The following BCO1 variants were observed in gnomAD, a reference collection of about 807,000 sequenced individuals.
The protein encoded by BCO1 is beta,beta-carotene 15,15'-dioxygenase.
A neutral mutation model predicts 56.3 loss-of-function variants in BCO1; 54 were observed. The observed-to-expected ratio is 0.96, with a 90% CI of 0.77 to 1.20. The LOEUF is 1.20. Among genes scored for constraint, BCO1 ranks in the 50% most tolerant of loss-of-function variants. BCO1 has a pLI of 0.00. For missense variants in BCO1, 801 were observed against 690.9 expected (o/e 1.16, Z -1.79); for synonymous variants, 318 against 266.1 (o/e 1.20, Z -1.90).
At chr16:81,285,773 A>G in intron 9 of BCO1, 139 bp downstream of exon 9, 2 of 726,106 alleles carry the variant, frequency 2.8e-6, no homozygotes, top group Non-Finnish European at 4.9e-6. Context: ...AATTTGAAGT[A>G]AGGATGTTCA....
At chr16:81,250,578 C>CTT (rs530676028) in intron 2 of BCO1, among the ~76,000 whole-genome samples, 1,246 of 105,478 alleles carry the variant, frequency 0.012, 63 homozygotes, top group African/African-American at 0.024. Context: ...CTCAATAAAG[C>CTT]TTTTTTTTTT....
chr16:81,256,984 C>T (rs1308839212), intron 2 of BCO1, among the ~76,000 whole-genome samples: 1 of 152,178 alleles, frequency 6.6e-6, no homozygotes, highest in African/African-American at 2.4e-5. Flanking sequence ...AAATCCCTCT[C>T]TAATGTTCCA....
At chr16:81,251,890 G>A (rs905185915) in intron 2 of BCO1, among the ~76,000 whole-genome samples, 33 of 150,292 alleles carry the variant, frequency 2.2e-4, no homozygotes, top group African/African-American at 5.2e-4. Context: ...GTGTGTGTGT[G>A]TATATATATC....
intron 1 of BCO1, among the ~76,000 whole-genome samples, chr16:81,239,577 G>T (rs557677486): frequency 6.6e-6 from 1 of 152,284 alleles, no homozygotes; most frequent in Non-Finnish European, 1.5e-5. Context: ...TGTCTCAGAT[G>T]CATGATGTAT....
chr16:81,290,558 A>G lies in BCO1; in HGVS notation c.1625A>G (p.His542Arg). 1 of 1,613,640 alleles carries G rather than the reference A, an allele frequency of 6.2e-7. No individual in the cohort carries two copies. The highest frequency in any genetic ancestry group is 8.5e-7 in the Non-Finnish European group (1 of 1,179,990). Residue 542 changes from histidine to arginine, a missense_variant, in exon 11 of 11, where the codon CAC (histidine) becomes CGC (arginine). Coordinates refer to ENST00000258168, the MANE Select transcript of BCO1 (RefSeq NM_017429.3). ...EEQRDRASDC[H>R]GAPLT ...CAGCGGGACAGGGCTTCCGACTGCC[A>G]CGGGGCTCCTCTGACCTGATGGTGT...
chr16:81,267,744 G>C (rs1405376158), intron 5 of BCO1, among the ~76,000 whole-genome samples, 164 bp from the exon 6 acceptor site: 2 of 152,136 alleles, frequency 1.3e-5, no homozygotes, highest in African/African-American at 4.8e-5. Context: ...TCTCAGCCTG[G>C]CCCCCTGCAG....
chr16:81,270,165 A>G lies in BCO1; in HGVS notation c.850A>G (p.Ile284Val), dbSNP rs371894990. The change falls in exon 7 of 11, where the codon ATC becomes GTC. Residue 284 changes from isoleucine (I) to valine (V), a missense_variant. By Grantham distance (29) the Ile-to-Val change is conservative. Coordinates refer to ENST00000258168, the MANE Select transcript of BCO1 (RefSeq NM_017429.3). ...GATATGTGTCCTTTTTCAGACTTAT[A>G]TCCACATCATCGACCAAAGGACCAG... ...LAFHREEKTY[I>V]HIIDQRTRQP... is the part of the protein sequence containing the mutation. 9.3e-6 allele frequency: 15 copies of G among 1,614,028 alleles called. No homozygotes were observed. The African/African-American group carries it at 1.9e-4, about 20-fold the overall frequency.
chr16:81,273,767 G>T (rs1179983089), intron 7 of BCO1, among the ~76,000 whole-genome samples: 1 of 152,088 alleles, frequency 6.6e-6, no homozygotes, highest in South Asian at 2.1e-4. Flanking sequence ...TAAAATAGTG[G>T]AAATAAAGCA....
At chr16:81,242,310 C>T (rs977550571) in intron 1 of BCO1, among the ~76,000 whole-genome samples, 1 of 150,812 alleles carries the variant, frequency 6.6e-6, no homozygotes, top group Non-Finnish European at 1.5e-5. Flanking sequence ...AATCGATTCT[C>T]CTGCCTCAGC....
At chr16:81,278,239 A>C (rs890682089) in intron 7 of BCO1, among the ~76,000 whole-genome samples, 2 of 151,986 alleles carry the variant, frequency 1.3e-5, no homozygotes, top group Non-Finnish European at 2.9e-5. Context: ...ATGGGGTTTC[A>C]CCATGTTAGC....
In BCO1 at chr16:81,285,507, AG is replaced by A. The variant is rs762634213; in HGVS notation, c.1208-29del. ...GTGGATGCTCCCAGCCCCCAATGAT[AG>A]GGGCTTCATCCACCTCCTCATTTCC... On this transcript the variant is annotated intron_variant, in intron 8 of 10. Coordinates refer to ENST00000258168, the MANE Select transcript of BCO1 (RefSeq NM_017429.3). 2.0e-6 allele frequency: 3 copies of A among 1,468,820 alleles called. No individual in the cohort carries two copies. The South Asian group carries it at 3.4e-5, about 17-fold the overall frequency. 91.0% of individuals were successfully genotyped at this position (1,468,820 alleles called of 1,614,324 possible).
rs780170423 is a variant in BCO1 at position 81,290,353 on chromosome 16, A to G, written c.1420A>G (p.Ile474Val). ...PGAKDEDDGVILSAIVSTDPQ... is the reference protein window; with the variant it reads ...PGAKDEDDGVVLSAIVSTDPQ... ...TTTTTTCTGTTTCCCTAAAGGAGTA[A>G]TCTTATCAGCCATTGTCTCTACTGA... is the stretch of plus-strand genomic sequence containing the variant. The change falls in exon 11 of 11, where the codon ATC (isoleucine) becomes GTC (valine). Residue 474 changes from isoleucine (I) to valine (V), a missense_variant. Physicochemically the swap from Ile to Val is conservative, Grantham distance 29. Coordinates refer to ENST00000258168, the MANE Select transcript of BCO1 (RefSeq NM_017429.3). The G allele has an allele frequency of 6.2e-7, 1 of 1,613,540 alleles. No homozygotes were observed. The highest frequency in any genetic ancestry group is 8.5e-7 in the Non-Finnish European group (1 of 1,179,440).
intron 1 of BCO1, among the ~76,000 whole-genome samples, chr16:81,242,993 G>C (rs1278052373): frequency 2.6e-5 from 4 of 152,044 alleles, no homozygotes; most frequent in Non-Finnish European, 5.9e-5. Context: ...CCAGTCCCTG[G>C]TGCCAAAAAG....
chr16:81,266,751 C>A (rs1906852895), intron 5 of BCO1, among the ~76,000 whole-genome samples: 1 of 152,172 alleles, frequency 6.6e-6, no homozygotes, highest in South Asian at 2.1e-4. Context: ...TGACATCCTG[C>A]AAGCAGAGAT....
rs941946189 is a variant in BCO1, at chr16:81,248,125, G to C, written c.193+2522G>C. ...CTTAATTTCATATAACTACTGGCCA[G>C]TCGCGATGGCTCACACCTGTATTCC... On this transcript the variant is annotated intron_variant, in intron 2 of 10. Transcript: ENST00000258168. Among the ~76,000 whole-genome samples, 9 of 152,272 alleles carry C rather than the reference G, an allele frequency of 5.9e-5. No individual in the cohort carries two copies. The South Asian group carries it at 1.7e-3, about 28-fold the overall frequency.
intron 7 of BCO1, among the ~76,000 whole-genome samples, chr16:81,271,289 A>G (rs1265073197): frequency 6.6e-6 from 1 of 151,176 alleles, no homozygotes; most frequent in Non-Finnish European, 1.5e-5. Context: ...TAATTTTTGT[A>G]TTTTTAGAAA....
At chr16:81,267,883 T>A in intron 5 of BCO1, 25 bp from the exon 6 acceptor site, 2 of 1,608,472 alleles carry the variant, frequency 1.2e-6, no homozygotes, top group Non-Finnish European at 1.7e-6. Context: ...GCACAATTCC[T>A]GAGGCTTGCT....
intron 6 of BCO1, among the ~76,000 whole-genome samples, chr16:81,269,755 C>A (rs543808602): frequency 6.6e-6 from 1 of 152,344 alleles, no homozygotes; most frequent in African/African-American, 2.4e-5. Flanking sequence ...GCATGAGCCA[C>A]TGTGCCCTGC....
chr16:81,269,328 C>A, intron 6 of BCO1, among the ~76,000 whole-genome samples: 1 of 147,178 alleles, frequency 6.8e-6, no homozygotes, highest in Admixed American at 6.7e-5. Flanking sequence ...GATAGAGTCT[C>A]ACTCTGTCAC....
Sources: gnomAD v4.1 joint callset for allele counts (sites outside exome capture counted in the v4.1 genomes callset) on GRCh38, gnomAD v4.1.1 for gene constraint, MANE v1.5 for transcripts, NCBI Gene and HGNC (gene_info 2026-07-23, HGNC 2026-07-21) for gene names.